AFF3: variants seen among roughly 807,000 people sequenced by gnomAD.
AFF3 encodes the protein AF4/FMR2 family member 3.
A neutral mutation model predicts 129.7 loss-of-function variants in AFF3; 32 were observed. The ratio of observed to expected loss-of-function variants is 0.25; its 90% CI spans 0.19 to 0.33. The LOEUF is 0.33. AFF3 is among the 10% of genes least tolerant of loss of function. The pLI is 1.00. For synonymous variants in AFF3, 644 were observed against 635.4 expected, an observed-to-expected ratio of 1.01 and a Z score of -0.20; for missense variants, 1,373 against 1,592.0, an observed-to-expected ratio of 0.86 and a Z score of 2.34.
At chr2:100,047,885 G>C (rs1166050048) in intron 4 of AFF3, among the ~76,000 whole-genome samples, 2 of 152,168 alleles carry the variant, frequency 1.3e-5, no homozygotes, top group East Asian at 3.8e-4. Flanking sequence ...AAGGCACTTA[G>C]AAGCACATAT....
chr2:99,548,871 A>G lies in AFF3; in HGVS notation c.*2603T>C, dbSNP rs992738125. The G allele has an allele frequency of 4.3e-6, 1 of 232,880 alleles. No individual in the cohort carries two copies. Among genetic ancestry groups the G allele is most frequent in the Non-Finnish European group, 8.5e-6 (1 of 117,862 alleles). 14.4% of individuals were successfully genotyped at this position (232,880 alleles called of 1,614,324 possible). A position where few individuals can be genotyped will look rare whatever the true frequency, so the allele number is the denominator to read the frequency against. Reference sequence around the variant, plus strand: ...CAAAATCACCCATGCCAAACCCCACAGAAACTGCTGTACCAACGTGCTCCA... The same window carrying G: ...CAAAATCACCCATGCCAAACCCCACGGAAACTGCTGTACCAACGTGCTCCA... On this transcript the variant is annotated 3_prime_UTR_variant, in exon 25 of 25. Transcript: ENST00000672756.
chr2:99,624,137 A>G (rs1249913796), intron 13 of AFF3, among the ~76,000 whole-genome samples: 2 of 152,102 alleles, frequency 1.3e-5, no homozygotes, highest in East Asian at 3.9e-4. Flanking sequence ...GCTACCTCCA[A>G]GGTTCTGGGG....
rs75591623 is a variant in AFF3, at chr2:99,593,453, C to T, written c.2208G>A (p.Lys736=). The change falls in exon 15 of 25, where the codon AAG becomes AAA. Residue 736 remains lysine, a synonymous_variant. Transcript: ENST00000672756. ...GTGTGTAGAACTGCTCCTCCAGCTC[C>T]TTGGCGATGTCACTGGTGGTCCTGG... ...INARTTSDIA[K]ELEEQFYTLV... is the part of the protein sequence containing the mutation. 11 of 1,613,730 alleles carry T rather than the reference C, an allele frequency of 6.8e-6. No individual in the cohort carries two copies. The South Asian group carries it at 8.8e-5, about 13-fold the overall frequency.
At chr2:100,068,547 T>TGATGC (rs1305838239) in intron 4 of AFF3, among the ~76,000 whole-genome samples, 1 of 152,166 alleles carries the variant, frequency 6.6e-6, no homozygotes, top group Non-Finnish European at 1.5e-5. Flanking sequence ...CCAAAGGCTG[T>TGATGC]GATGCGTAAA....
At chr2:99,622,893 A>C (rs1180348032) in intron 13 of AFF3, among the ~76,000 whole-genome samples, 1 of 152,194 alleles carries the variant, frequency 6.6e-6, no homozygotes, top group Non-Finnish European at 1.5e-5. Context: ...CCTTGCCGAC[A>C]GGGAGCTCCC....
chr2:99,723,537 T>C (rs1679093835), intron 11 of AFF3, among the ~76,000 whole-genome samples: 1 of 152,202 alleles, frequency 6.6e-6, no homozygotes, highest in Non-Finnish European at 1.5e-5. Flanking sequence ...CCATGCTTGC[T>C]AGCCCTGTTT....
At chr2:99,606,082 T>A (rs1212343594) in intron 13 of AFF3, among the ~76,000 whole-genome samples, 2 of 152,078 alleles carry the variant, frequency 1.3e-5, no homozygotes, top group Non-Finnish European at 2.9e-5. Flanking sequence ...AAAATTAACT[T>A]AAGCCTGGGC....
At chr2:100,019,691 CCT>C (rs1683426119) in intron 4 of AFF3, among the ~76,000 whole-genome samples, 1 of 152,152 alleles carries the variant, frequency 6.6e-6, no homozygotes, top group Non-Finnish European at 1.5e-5. Flanking sequence ...CAGAGCAGCC[CCT>C]GTGGTCACCA....
chr2:99,994,984 C>T (rs1012558831), intron 7 of AFF3, among the ~76,000 whole-genome samples: 31 of 151,968 alleles, frequency 2.0e-4, no homozygotes, highest in Admixed American at 5.9e-4. Context: ...GGGAACTGTC[C>T]TCAGAAAATT....
chr2:99,866,991 T>G (rs1558928869), intron 7 of AFF3, among the ~76,000 whole-genome samples: 1 of 108,022 alleles, frequency 9.3e-6, no homozygotes, highest in African/African-American at 3.4e-5. Flanking sequence ...ATAATAATAA[T>G]AATAATAATA....
intron 15 of AFF3, 77 bp from the exon 16 acceptor site, chr2:99,587,355 A>G (rs1678224131): frequency 1.2e-5 from 18 of 1,557,164 alleles, no homozygotes; most frequent in Non-Finnish European, 1.6e-5. Flanking sequence ...CGACTTCCAC[A>G]GAGCAAGGCC....
intron 11 of AFF3, among the ~76,000 whole-genome samples, chr2:99,724,433 C>G (rs928464225): frequency 6.6e-6 from 1 of 151,882 alleles, no homozygotes; most frequent in African/African-American, 2.4e-5. Context: ...CCACCACACT[C>G]AGCTAATTTT....
At chr2:99,787,081 C>T (rs139666599) in intron 8 of AFF3, among the ~76,000 whole-genome samples, 4 of 152,186 alleles carry the variant, frequency 2.6e-5, no homozygotes, top group African/African-American at 4.8e-5. Flanking sequence ...CCTTTACATG[C>T]TCATTTAAAA....
intron 12 of AFF3, among the ~76,000 whole-genome samples, chr2:99,670,747 C>T (rs936499515): frequency 6.6e-6 from 1 of 152,132 alleles, no homozygotes; most frequent in Non-Finnish European, 1.5e-5. Flanking sequence ...CTATCATACG[C>T]AAAACCACTG....
intron 13 of AFF3, among the ~76,000 whole-genome samples, chr2:99,615,420 G>A (rs1044497951): frequency 6.6e-6 from 1 of 152,206 alleles, no homozygotes; most frequent in Non-Finnish European, 1.5e-5. Flanking sequence ...GATACAACTC[G>A]CCTCCCCACT....
At chr2:99,714,247 C>A (rs1038808027) in intron 11 of AFF3, among the ~76,000 whole-genome samples, 2 of 152,184 alleles carry the variant, frequency 1.3e-5, no homozygotes, top group African/African-American at 4.8e-5. Context: ...TCTCCCCAGC[C>A]CAAAGCTGAC....
At chr2:99,782,349 TGAGA>T (rs572533859) in intron 8 of AFF3, among the ~76,000 whole-genome samples, 86 of 152,138 alleles carry the variant, frequency 5.7e-4, no homozygotes, top group Non-Finnish European at 7.4e-4. Context: ...TCTGCCAGCA[TGAGA>T]GAGAGTAGAA....
At chr2:100,062,421 AT>A (rs1233153480) in intron 4 of AFF3, among the ~76,000 whole-genome samples, 1 of 152,228 alleles carries the variant, frequency 6.6e-6, no homozygotes, top group Non-Finnish European at 1.5e-5. Flanking sequence ...TGAAAAAAAA[AT>A]GTCTACAGGG....
At chr2:99,673,606 C>G (rs1041539524) in intron 11 of AFF3, among the ~76,000 whole-genome samples, 1 of 152,204 alleles carries the variant, frequency 6.6e-6, no homozygotes, top group Non-Finnish European at 1.5e-5. Context: ...GGAGAGCCCA[C>G]TTCTGAGGGA....
Sources: gnomAD v4.1 joint callset for allele counts (sites outside exome capture counted in the v4.1 genomes callset) on GRCh38, gnomAD v4.1.1 for gene constraint, MANE v1.5 for transcripts, NCBI Gene and HGNC (gene_info 2026-07-23, HGNC 2026-07-21) for gene names.